The following TENM2 variants were observed in gnomAD, a reference collection of about 807,000 sequenced individuals.
TENM2 encodes teneurin-2.
A neutral mutation model predicts 245.2 loss-of-function variants in TENM2; 52 were observed. The ratio of observed to expected loss-of-function variants is 0.21; its 90% CI spans 0.17 to 0.27. TENM2 has a LOEUF of 0.27. TENM2 is among the 10% of genes least tolerant of loss of function. The pLI is 1.00. For synonymous variants in TENM2, 1,363 were observed against 1,438.9 expected, an observed-to-expected ratio of 0.95 and a Z score of 1.19; for missense variants, 3,046 against 3,666.8, an observed-to-expected ratio of 0.83 and a Z score of 4.37.
At chr5:167,357,300 C>CTTTTT (rs11442891) in intron 1 of TENM2, among the ~76,000 whole-genome samples, 36 of 139,948 alleles carry the variant, frequency 2.6e-4, no homozygotes, top group Non-Finnish European at 3.5e-4. Flanking sequence ...GCCATCCTTT[C>CTTTTT]TTTTTTTTTT....
intron 2 of TENM2, among the ~76,000 whole-genome samples, chr5:167,782,639 T>C (rs576119465): frequency 4.6e-5 from 7 of 152,238 alleles, no homozygotes; most frequent in Admixed American, 2.6e-4. Context: ...GAGCAAAAGA[T>C]GTAAAAACAA....
intron 2 of TENM2, among the ~76,000 whole-genome samples, chr5:167,516,606 C>G (rs1471496890): frequency 6.6e-6 from 1 of 152,248 alleles, no homozygotes; most frequent in Non-Finnish European, 1.5e-5. Flanking sequence ...TAGGCTAATG[C>G]TATATTAAAT....
upstream of TENM2, among the ~76,000 whole-genome samples, chr5:167,282,402 C>T (rs1271345381): frequency 6.6e-6 from 1 of 152,110 alleles, no homozygotes; most frequent in Non-Finnish European, 1.5e-5. Context: ...CATCTTCCTC[C>T]TCTGTCTTAT....
intron 2 of TENM2, among the ~76,000 whole-genome samples, chr5:167,731,697 G>A (rs1383251352): frequency 8.2e-6 from 1 of 121,686 alleles, no homozygotes. Flanking sequence ...TTTCTCAGAG[G>A]TTTTTTTTTT....
chr5:167,966,333 G>C (rs1781384613), intron 4 of TENM2, among the ~76,000 whole-genome samples: 1 of 152,178 alleles, frequency 6.6e-6, no homozygotes, highest in Admixed American at 6.5e-5. Flanking sequence ...AGATTGCTGG[G>C]AGAAAGCGCA....
At chr5:167,188,981 G>A in the TENM2 span, among the ~76,000 whole-genome samples, 1 of 152,066 alleles carries the variant, frequency 6.6e-6, no homozygotes, top group Non-Finnish European at 1.5e-5. Flanking sequence ...TTGTTCCACT[G>A]AGGCTTATTT....
At chr5:167,181,606 G>T in the TENM2 span, among the ~76,000 whole-genome samples, 1 of 151,778 alleles carries the variant, frequency 6.6e-6, no homozygotes, top group East Asian at 1.9e-4. Context: ...GGCTCAACAC[G>T]AGTAAAGAAA....
chr5:168,187,479 T>C (rs1760575083), intron 13 of TENM2: 1 of 152,232 alleles, frequency 6.6e-6, no homozygotes, highest in Non-Finnish European at 1.5e-5. Flanking sequence ...TACCCCTAAT[T>C]GGAAGAGGCC....
chr5:167,620,474 T>A (rs892790405), intron 2 of TENM2, among the ~76,000 whole-genome samples: 11 of 152,018 alleles, frequency 7.2e-5, no homozygotes, highest in Admixed American at 6.6e-5. Context: ...GGATTATATG[T>A]CTTCCTTTTT....
intron 5 of TENM2, among the ~76,000 whole-genome samples, chr5:168,012,866 C>G (rs935999434): frequency 6.6e-6 from 1 of 151,812 alleles, no homozygotes; most frequent in East Asian, 1.9e-4. Context: ...GGTTGGCAAC[C>G]CTGGCATCGT....
At chr5:167,076,419 CA>C in the TENM2 span, among the ~76,000 whole-genome samples, 2 of 152,022 alleles carry the variant, frequency 1.3e-5, no homozygotes, top group Non-Finnish European at 2.9e-5. Flanking sequence ...AAGAGCTACA[CA>C]AAGCACATAT....
chr5:168,244,583 A>G lies in TENM2; in HGVS notation c.5684A>G (p.Tyr1895Cys). ...GGGCTGGCAGCTGTCAACGTGTCAT[A>G]CTTCTTCAATGGGCGCCTGGCTGGG... Residue 1895 changes from tyrosine (Y) to cysteine (C), a missense_variant, in exon 26 of 29, where the codon TAC becomes TGC. Physicochemically the swap from Tyr to Cys is radical, Grantham distance 194. Transcript: ENST00000518659. The surrounding 1 kb of genome is among the most constrained non-coding windows in gnomAD (Gnocchi z 4.9). 1 of 1,609,468 alleles carries G rather than the reference A, an allele frequency of 6.2e-7. No individual in the cohort carries two copies. Among genetic ancestry groups the G allele is most frequent in the East Asian group, 2.2e-5 (1 of 44,710 alleles).
chr5:167,369,216 C>A (rs924196139), intron 1 of TENM2, among the ~76,000 whole-genome samples: 13 of 152,140 alleles, frequency 8.5e-5, no homozygotes, highest in Non-Finnish European at 1.5e-5. Flanking sequence ...CTACCTTGTC[C>A]TGTCCCATTT....
chr5:167,583,219 C>T (rs1473789554), intron 2 of TENM2, among the ~76,000 whole-genome samples: 4 of 152,112 alleles, frequency 2.6e-5, no homozygotes, highest in Non-Finnish European at 4.4e-5. Context: ...AAGTGGAGAT[C>T]GCATGCCTTG....
At position 168,246,733 on chromosome 5, in the gene TENM2, T is replaced by G. The variant is rs375841262; in HGVS notation, c.5818-24T>G. 7.5e-6 allele frequency: 12 copies of G among 1,607,920 alleles called. No homozygotes were observed. The African/African-American group carries it at 1.6e-4, about 21-fold the overall frequency. ...GGTCCTCAAAAGCCAACTGATATGT[T>G]CTGTTCCCCTTTCCTTTCTGCAGTC... On this transcript the variant is annotated intron_variant, in intron 26 of 28. Coordinates refer to ENST00000518659, the Ensembl canonical transcript of TENM2.
At chr5:167,141,576 C>T in the TENM2 span, among the ~76,000 whole-genome samples, 1 of 152,114 alleles carries the variant, frequency 6.6e-6, no homozygotes, top group African/African-American at 2.4e-5. Flanking sequence ...ATAACCATCA[C>T]CACATTTCAT....
intron 13 of TENM2, among the ~76,000 whole-genome samples, chr5:168,187,892 T>C (rs1760616892): frequency 6.6e-6 from 1 of 152,142 alleles, no homozygotes; most frequent in South Asian, 2.1e-4. Flanking sequence ...GTTCAGAGCC[T>C]TGATTTTGAA....
At chr5:168,209,546 T>G (rs1416050880) in intron 19 of TENM2, among the ~76,000 whole-genome samples, 1 of 152,158 alleles carries the variant, frequency 6.6e-6, no homozygotes, top group Non-Finnish European at 1.5e-5. Flanking sequence ...TCTCTTTAGT[T>G]AGAACAACAA....
intron 1 of TENM2, among the ~76,000 whole-genome samples, chr5:167,350,420 T>C (rs1441975152): frequency 7.1e-6 from 1 of 140,496 alleles, no homozygotes; most frequent in African/African-American, 3.0e-5. Context: ...TATATGTGTG[T>C]GTGTGTGTGT....
Sources: allele counts gnomAD v4.1 joint callset (sites outside exome capture counted in the v4.1 genomes callset), GRCh38; gene constraint gnomAD v4.1.1; non-coding constraint Gnocchi (gnomAD v3.1); transcripts MANE v1.5; gene names NCBI Gene and HGNC (gene_info 2026-07-23, HGNC 2026-07-21).